Variants in ZNF226 observed in about 807,000 individuals in gnomAD.
The protein encoded by ZNF226 is zinc finger protein 226.
ZNF226 carries 6 observed loss-of-function variants against 11.4 expected under a neutral mutation model. That is an observed-to-expected ratio of 0.53 (90% confidence interval 0.29 to 1.04). The LOEUF is 1.04. Among genes scored for constraint, ZNF226 ranks in the 50% least tolerant of loss-of-function variants. The probability of loss-of-function intolerance (pLI) is 0.08; values close to 1 mark genes in which losing one functional copy is unlikely to be tolerated. For missense variants in ZNF226, 1,058 were observed against 956.5 expected, an observed-to-expected ratio of 1.11 and a Z score of -1.40; for synonymous variants, 350 against 322.8, an observed-to-expected ratio of 1.08 and a Z score of -0.90.
the ZNF226 span, among the ~76,000 whole-genome samples, chr19:44,188,047 G>C: frequency 6.6e-6 from 1 of 152,064 alleles, no homozygotes; most frequent in African/African-American, 2.4e-5. Context: ...AGCCTAACAT[G>C]GTCTATCTTG....
At chr19:44,172,793 C>A in intron 4 of ZNF226, 67 bp from the exon 5 acceptor site, 1 of 1,350,058 alleles carries the variant, frequency 7.4e-7, no homozygotes, top group Non-Finnish European at 1.0e-6. Context: ...GCAGTTGCAA[C>A]TCAGATTTCC....
rs1404173827 is a variant in ZNF226, at chr19:44,172,842, G to T, written c.143-18G>T. The stretch of plus-strand genomic sequence containing the variant: ...TCTAATATGTTCATTTTCAACTTGT[G>T]ATTTGGCATTTTCACAGGGCATCCA... On this transcript the variant is annotated intron_variant, in intron 4 of 5. Transcript: ENST00000337433. 1.0e-5 allele frequency: 16 copies of T among 1,578,520 alleles called. No individual in the cohort carries two copies. The highest frequency in any genetic ancestry group is 1.2e-5 in the Non-Finnish European group (14 of 1,160,436).
chr19:44,189,839 C>T, the ZNF226 span, among the ~76,000 whole-genome samples: 5 of 152,228 alleles, frequency 3.3e-5, no homozygotes, highest in Non-Finnish European at 5.9e-5. Context: ...TTGAATGTCT[C>T]TCGTTATAGC....
chr19:44,185,875 G>T, the ZNF226 span, among the ~76,000 whole-genome samples: 1 of 151,928 alleles, frequency 6.6e-6, no homozygotes, highest in African/African-American at 2.4e-5. Context: ...TTTCTTCTAG[G>T]ATTTTAACAG....
rs1568572439 is a variant in ZNF226 at position 44,176,386 on chromosome 19, C to T, written c.1124C>T (p.Ala375Val). 1.2e-6 allele frequency: 2 copies of T among 1,613,824 alleles called. No individual in the cohort carries two copies. ...GAGTGTGGGAGGGCCTTCAGTCAGG[C>T]CTCTCATCTTCAGGACCATCAGAGA... ...CEECGRAFSQ[A>V]SHLQDHQRLH... is the part of the protein sequence containing the mutation. The change falls in exon 6 of 6, where the codon GCC becomes GTC. Residue 375 changes from alanine to valine, a missense_variant. Physicochemically the swap from Ala to Val is moderately conservative, Grantham distance 64 (BLOSUM62 0). Transcript: ENST00000337433.
chr19:44,175,903 G>T lies in ZNF226; in HGVS notation c.641G>T (p.Gly214Val). ...DPIGWISHHDGHRVHKSEKSY... is the reference protein window; with the variant it reads ...DPIGWISHHDVHRVHKSEKSY... ...ATCGGTTGGATTTCACATCATGATGGTCATAGAGTACACAAAAGTGAAAAA... is the reference window on the plus strand; with the variant it reads ...ATCGGTTGGATTTCACATCATGATGTTCATAGAGTACACAAAAGTGAAAAA... The change falls in exon 6 of 6, where the codon GGT (glycine) becomes GTT (valine). Residue 214 changes from glycine (G) to valine (V), a missense_variant. Gly to Val is a moderately radical substitution (Grantham distance 109). Coordinates refer to ENST00000337433, the MANE Select transcript of ZNF226 (RefSeq NM_001032373.2). 6.2e-7 allele frequency: 1 copy of T among 1,613,354 alleles called. No homozygotes were observed. The highest frequency in any genetic ancestry group is 2.2e-5 in the East Asian group (1 of 44,878).
chr19:44,187,975 A>G, the ZNF226 span, among the ~76,000 whole-genome samples: 3 of 152,116 alleles, frequency 2.0e-5, no homozygotes, highest in African/African-American at 7.2e-5. The surrounding 1 kb of genome is among the most constrained non-coding windows in gnomAD (Gnocchi z 4.0). Flanking sequence ...TTATTCCAGT[A>G]TAGTTAGAGA....
At position 44,176,423 on chromosome 19, in the gene ZNF226, G is replaced by T; in HGVS notation, c.1161G>T (p.Gly387=). 1 of 1,613,646 alleles carries T rather than the reference G, an allele frequency of 6.2e-7. No individual in the cohort carries two copies. Among genetic ancestry groups the T allele is most frequent in the Non-Finnish European group, 8.5e-7 (1 of 1,179,874 alleles). ...AGGACCATCAGAGACTCCACACTGG[G>T]GAGAAGCCATTCAAATGTGATGCAT... ...HLQDHQRLHT[G]EKPFKCDACG... is the part of the protein sequence containing the mutation. The change falls in exon 6 of 6, where the codon GGG becomes GGT. Residue 387 remains glycine (G), a synonymous_variant. Coordinates refer to ENST00000337433, the MANE Select transcript of ZNF226 (RefSeq NM_001032373.2).
At position 44,176,926 on chromosome 19, in the gene ZNF226, T is replaced by C. The variant is rs1000710744; in HGVS notation, c.1664T>C (p.Ile555Thr). Reference sequence around the variant, plus strand: ...CAAATCCATCAGAAGGCCCACAGTATAGAGAAACCTTTTAAGTGTGAGGAG... The same window carrying C: ...CAAATCCATCAGAAGGCCCACAGTACAGAGAAACCTTTTAAGTGTGAGGAG... Reference protein sequence around the residue: ...YLQIHQKAHSIEKPFKCEECG... With the variant: ...YLQIHQKAHSTEKPFKCEECG... The change falls in exon 6 of 6, where the codon ATA becomes ACA. Residue 555 changes from isoleucine to threonine, a missense_variant. Physicochemically the swap from Ile to Thr is moderately conservative, Grantham distance 89. Coordinates refer to ENST00000337433, the MANE Select transcript of ZNF226 (RefSeq NM_001032373.2). 3 of 1,612,550 alleles carry C rather than the reference T, an allele frequency of 1.9e-6. No homozygotes were observed. The highest frequency in any genetic ancestry group is 1.7e-6 in the Non-Finnish European group (2 of 1,179,458).
the ZNF226 span, among the ~76,000 whole-genome samples, chr19:44,188,213 T>C: frequency 6.6e-6 from 1 of 152,162 alleles, no homozygotes; most frequent in African/African-American, 2.4e-5. Context: ...TAATTGAAAG[T>C]GGGATATTAA....
At position 44,176,281 on chromosome 19, in the gene ZNF226, G is replaced by T. The variant is rs191671711; in HGVS notation, c.1019G>T (p.Cys340Phe). ...VIEKPYKCKQ[C>F]GKGFSRRSAL... is the part of the protein sequence containing the mutation. ...GAGAAACCATACAAATGTAAGCAAT[G>T]TGGGAAAGGTTTCAGTCGTAGATCA... The change falls in exon 6 of 6, where the codon TGT becomes TTT. Residue 340 changes from cysteine (C) to phenylalanine (F), a missense_variant. Coordinates refer to ENST00000337433, the MANE Select transcript of ZNF226 (RefSeq NM_001032373.2). 2.0e-5 allele frequency: 32 copies of T among 1,614,206 alleles called. No individual in the cohort carries two copies. Among genetic ancestry groups the T allele is most frequent in the African/African-American group, 5.3e-5 (4 of 75,050 alleles).
At chr19:44,188,764 T>C in the ZNF226 span, among the ~76,000 whole-genome samples, 2 of 152,230 alleles carry the variant, frequency 1.3e-5, no homozygotes, top group South Asian at 4.1e-4. Flanking sequence ...TTGTCTGATA[T>C]AAATGTCAAT....
intron 4 of ZNF226, 54 bp from the exon 5 acceptor site, chr19:44,172,804 AGT>A: frequency 7.1e-7 from 1 of 1,414,938 alleles, no homozygotes; most frequent in Non-Finnish European, 9.7e-7. Flanking sequence ...TCAGATTTCC[AGT>A]GTATTTTAAC....
intron 5 of ZNF226, chr19:44,173,977 A>G (rs1653209420): frequency 6.6e-6 from 1 of 152,252 alleles, no homozygotes; most frequent in Non-Finnish European, 1.5e-5. Flanking sequence ...TAGTCCTAGT[A>G]TATGGCAGAG....
At position 44,172,841 on chromosome 19, in the gene ZNF226, T is replaced by C; in HGVS notation, c.143-19T>C. On this transcript the variant is annotated intron_variant, in intron 4 of 5. Transcript: ENST00000337433. The stretch of plus-strand genomic sequence containing the variant: ...CTCTAATATGTTCATTTTCAACTTG[T>C]GATTTGGCATTTTCACAGGGCATCC... 6.3e-7 allele frequency: 1 copy of C among 1,577,140 alleles called. No individual in the cohort carries two copies.
At position 44,176,076 on chromosome 19, in the gene ZNF226, C is replaced by T. The variant is rs752577669; in HGVS notation, c.814C>T (p.Gln272Ter). Residue 272 changes from glutamine (Q) to a stop codon, truncating the protein, a stop_gained, in exon 6 of 6, where the codon CAG (glutamine) becomes TAG (stop). Coordinates refer to ENST00000337433, the MANE Select transcript of ZNF226 (RefSeq NM_001032373.2). LOFTEE classifies it low-confidence loss of function (END_TRUNC). ...SDLSSFDLHQ[Q>*]LQSGEKSLTC... ...TCTCTCCAGCTTTGATCTTCATCAG[C>T]AGTTACAATCAGGAGAGAAGTCTCT... is the stretch of plus-strand genomic sequence containing the variant. The T allele has an allele frequency of 6.2e-7, 1 of 1,614,120 alleles. No individual in the cohort carries two copies. The highest frequency in any genetic ancestry group is 1.1e-5 in the South Asian group (1 of 91,080).
intron 2 of ZNF226, among the ~76,000 whole-genome samples, chr19:44,168,083 GGCTATTTTTA>G (rs1379648305): frequency 6.6e-6 from 1 of 152,088 alleles, no homozygotes; most frequent in Non-Finnish European, 1.5e-5. Flanking sequence ...GCAATTATTT[GGCTATTTTTA>G]TCAATGTAGG....
Position 44,177,387 on chromosome 19 carries a change from A to G in ZNF226, c.2125A>G (p.Ser709Gly). ...YKCGECGKYF[S>G]QASSLQLHQS... The stretch of plus-strand genomic sequence containing the variant: ...ATGTGGGGAGTGTGGTAAGTACTTC[A>G]GTCAGGCCTCAAGTCTTCAACTTCA... The change falls in exon 6 of 6, where the codon AGT becomes GGT. Residue 709 changes from serine (S) to glycine (G), a missense_variant. Coordinates refer to ENST00000337433, the MANE Select transcript of ZNF226 (RefSeq NM_001032373.2). 1 of 1,614,068 alleles carries G rather than the reference A, an allele frequency of 6.2e-7. No individual in the cohort carries two copies. Among genetic ancestry groups the G allele is most frequent in the Non-Finnish European group, 8.5e-7 (1 of 1,179,986 alleles).
the ZNF226 span, among the ~76,000 whole-genome samples, chr19:44,190,791 A>T: frequency 6.6e-6 from 1 of 152,192 alleles, no homozygotes; most frequent in Non-Finnish European, 1.5e-5. Flanking sequence ...ACAAGGAGGT[A>T]CAGATTCATA....
Sources: allele counts gnomAD v4.1 joint callset (sites outside exome capture counted in the v4.1 genomes callset), GRCh38; gene constraint gnomAD v4.1.1; non-coding constraint Gnocchi (gnomAD v3.1); transcripts MANE v1.5; gene names NCBI Gene and HGNC (gene_info 2026-07-23, HGNC 2026-07-21).